Variants in SLCO3A1 observed in about 807,000 individuals in gnomAD.
The protein encoded by SLCO3A1 is solute carrier organic anion transporter family member 3A1.
A neutral mutation model predicts 63.1 loss-of-function variants in SLCO3A1; 27 were observed. The ratio of observed to expected loss-of-function variants is 0.43; its 90% CI spans 0.32 to 0.59. The LOEUF (loss-of-function observed/expected upper bound fraction) is 0.59, where lower values mean the gene tolerates loss of function less well. Ranked by LOEUF, SLCO3A1 falls within the 20% of genes least tolerant of loss-of-function variation. The pLI, the probability that SLCO3A1 is intolerant of heterozygous loss-of-function variation, is 0.09. For synonymous variants in SLCO3A1, 473 were observed against 409.9 expected, an observed-to-expected ratio of 1.15 and a Z score of -1.86; for missense variants, 773 against 945.8, an observed-to-expected ratio of 0.82 and a Z score of 2.40.
chr15:92,015,426 A>G (rs114426002), intron 2 of SLCO3A1, among the ~76,000 whole-genome samples: 48 of 152,168 alleles, frequency 3.2e-4, no homozygotes, highest in Admixed American at 5.9e-4. Context: ...CCCAGGGGGA[A>G]CTGCCACTTC....
chr15:92,056,487 C>T (rs2047023240), intron 2 of SLCO3A1, among the ~76,000 whole-genome samples: 1 of 152,188 alleles, frequency 6.6e-6, no homozygotes. Flanking sequence ...TAGGACGCTC[C>T]TTCCATCATT....
chr15:91,896,361 G>A (rs1898004014), intron 1 of SLCO3A1, among the ~76,000 whole-genome samples: 1 of 152,178 alleles, frequency 6.6e-6, no homozygotes, highest in Non-Finnish European at 1.5e-5. Context: ...GATCCATGGT[G>A]CAGTCACGAT....
chr15:92,071,061 G>T (rs768132589), intron 2 of SLCO3A1, among the ~76,000 whole-genome samples: 165 of 152,146 alleles, frequency 1.1e-3, no homozygotes, highest in Non-Finnish European at 1.7e-3. Flanking sequence ...GATTAAAGGG[G>T]CATAGCTCTT....
At chr15:92,064,887 A>G (rs955972436) in intron 2 of SLCO3A1, among the ~76,000 whole-genome samples, 1 of 152,212 alleles carries the variant, frequency 6.6e-6, no homozygotes, top group Admixed American at 6.5e-5. Context: ...GGGGAAATGA[A>G]GACAGATTGG....
chr15:91,887,420 A>G (rs1897753398), intron 1 of SLCO3A1, among the ~76,000 whole-genome samples: 1 of 152,088 alleles, frequency 6.6e-6, no homozygotes, highest in Non-Finnish European at 1.5e-5. Flanking sequence ...TGCATGAGAC[A>G]TTGCGGCCGC....
At chr15:91,977,994 G>T (rs1165516889) in intron 2 of SLCO3A1, among the ~76,000 whole-genome samples, 2 of 152,172 alleles carry the variant, frequency 1.3e-5, no homozygotes, top group East Asian at 3.8e-4. Context: ...AGTAAACACA[G>T]AGTATTGACT....
In SLCO3A1 at chr15:92,164,387, G is replaced by T. The variant is rs1431924203; in HGVS notation, c.*1252G>T. ...AAGAATCACATTTGAGACAACAGGG[G>T]ATAATGTGATGAATTGCAAATTTGC... On this transcript the variant is annotated 3_prime_UTR_variant, in exon 10 of 10. Transcript: ENST00000318445. The T allele has an allele frequency of 5.1e-6, 5 of 985,396 alleles. No homozygotes were observed. Among genetic ancestry groups the T allele is most frequent in the South Asian group, 4.7e-5 (1 of 21,284 alleles). The allele number at this position is 985,396 out of a possible 1,614,324, so 61.0% of individuals were successfully genotyped here. A position where few individuals can be genotyped will look rare whatever the true frequency, so the allele number is the denominator to read the frequency against.
At position 92,162,890 on chromosome 15, in the gene SLCO3A1, G is replaced by A. The variant is rs1350767162; in HGVS notation, c.1888G>A (p.Ala630Thr). ...VVYRYLYVSI[A>T]IALKSFAFIL... is the part of the protein sequence containing the mutation. ...CTACCGATACCTGTATGTCAGCATC[G>A]CCATCGCGCTCAAATCCTTCGCCTT... Residue 630 changes from alanine (A) to threonine (T), a missense_variant, in exon 10 of 10, where the codon GCC (alanine) becomes ACC (threonine). Physicochemically the swap from Ala to Thr is moderately conservative, Grantham distance 58 (BLOSUM62 0). This residue lies in a region of SLCO3A1 where 139 missense variants were observed against 131.4 expected (regional missense o/e 1.06). Coordinates refer to ENST00000318445, the MANE Select transcript of SLCO3A1 (RefSeq NM_013272.4). 3.1e-6 allele frequency: 5 copies of A among 1,614,022 alleles called. No homozygotes were observed. The highest frequency in any genetic ancestry group is 2.2e-5 in the East Asian group (1 of 44,892).
intron 7 of SLCO3A1, among the ~76,000 whole-genome samples, chr15:92,134,002 C>T (rs890629571): frequency 4.6e-5 from 7 of 152,122 alleles, no homozygotes; most frequent in Admixed American, 6.5e-5. Flanking sequence ...GTGGCCTGAG[C>T]CAAAGTTTAA....
chr15:92,168,033 G>A (rs1462371927), downstream of SLCO3A1, among the ~76,000 whole-genome samples: 3 of 152,210 alleles, frequency 2.0e-5, no homozygotes, highest in African/African-American at 4.8e-5. Flanking sequence ...TATATGCCAA[G>A]CCCTAGATCA....
At chr15:92,155,502 G>C (rs979284810) in intron 9 of SLCO3A1, among the ~76,000 whole-genome samples, 6 of 152,274 alleles carry the variant, frequency 3.9e-5, no homozygotes, top group Admixed American at 6.5e-5. Flanking sequence ...ATTATACTTG[G>C]CTGAGTAGTT....
rs1898120593 is a variant in SLCO3A1 at position 91,900,338 on chromosome 15, T to A, written c.181-15655T>A. ...TGTATTGTCTGTTCGTTTGTTTGTT[T>A]TTGTTTTTTGAGATGGAGTCTTGCT... On this transcript the variant is annotated intron_variant, in intron 1 of 9. Coordinates refer to ENST00000318445, the MANE Select transcript of SLCO3A1 (RefSeq NM_013272.4). The surrounding 1 kb of genome is among the most constrained non-coding windows in gnomAD (Gnocchi z 4.3). 6.6e-6 allele frequency among the ~76,000 whole-genome samples: 1 copy of A among 152,216 alleles called. No homozygotes were observed. The highest frequency in any genetic ancestry group is 1.5e-5 in the Non-Finnish European group (1 of 68,032).
Position 91,860,787 on chromosome 15 carries a change from C to T in SLCO3A1, c.180+6699C>T, listed in dbSNP as rs1239837410. Among the ~76,000 whole-genome samples the T allele has an allele frequency of 6.6e-6, 1 of 152,262 alleles. No individual in the cohort carries two copies. The highest frequency in any genetic ancestry group is 2.4e-5 in the African/African-American group (1 of 41,476). On this transcript the variant is annotated intron_variant, in intron 1 of 9. Transcript: ENST00000318445. This position sits in a 1 kb window ranked among gnomAD's most constrained non-coding sequence, Gnocchi z 5.5. Reference sequence around the variant, plus strand: ...GGGCTCAGGTCTCACGTCTTGTCTGCTGCCTTCACCTCGTGTTCTCTTGCA... The same window carrying T: ...GGGCTCAGGTCTCACGTCTTGTCTGTTGCCTTCACCTCGTGTTCTCTTGCA...
At chr15:92,008,199 T>A (rs531958981) in intron 2 of SLCO3A1, among the ~76,000 whole-genome samples, 136 of 152,344 alleles carry the variant, frequency 8.9e-4, no homozygotes, top group African/African-American at 3.2e-3. Context: ...CAGATTGCTA[T>A]ATTTCTTGAA....
intron 9 of SLCO3A1, chr15:92,151,239 C>A (rs2048301725): frequency 4.4e-6 from 2 of 457,868 alleles, no homozygotes; most frequent in Admixed American, 8.0e-5. Flanking sequence ...ATCTTCACGC[C>A]ACCGTGAATT....
At position 91,941,541 on chromosome 15, in the gene SLCO3A1, T is replaced by G. The variant is rs1392060315; in HGVS notation, c.646+25083T>G. On this transcript the variant is annotated intron_variant, in intron 2 of 9. Coordinates refer to ENST00000318445, the MANE Select transcript of SLCO3A1 (RefSeq NM_013272.4). The surrounding 1 kb of genome is among the most constrained non-coding windows in gnomAD (Gnocchi z 4.4). ...CCTAGCTTTTCTGAGCCTCACTTTC[T>G]TGGCAATTAGATGAACCAGAGGTTT... is the stretch of plus-strand genomic sequence containing the variant. The G allele has an allele frequency of 2.2e-6, 1 of 456,024 alleles. No individual in the cohort carries two copies. Among genetic ancestry groups the G allele is most frequent in the Admixed American group, 2.3e-5 (1 of 42,572 alleles). 28.2% of individuals were successfully genotyped at this position (456,024 alleles called of 1,614,324 possible). A position where few individuals can be genotyped will look rare whatever the true frequency, so the allele number is the denominator to read the frequency against.
rs886223750 is a variant in SLCO3A1, at chr15:92,165,590, A to G, written c.*2455A>G. 5.1e-6 allele frequency: 5 copies of G among 985,098 alleles called. No homozygotes were observed. Among genetic ancestry groups the G allele is most frequent in the Admixed American group, 6.1e-5 (1 of 16,268 alleles). The allele number at this position is 985,098 out of a possible 1,614,324, so 61.0% of individuals were successfully genotyped here. ...GGATGAATGTGAAAAAGATGTTAGAATAACAGGAAGACAACTCCAGGGCTG... is the reference window on the plus strand; with the variant it reads ...GGATGAATGTGAAAAAGATGTTAGAGTAACAGGAAGACAACTCCAGGGCTG... On this transcript the variant is annotated 3_prime_UTR_variant, in exon 10 of 10. Coordinates refer to ENST00000318445, the MANE Select transcript of SLCO3A1 (RefSeq NM_013272.4).
At chr15:92,166,497 G>A (rs1191560942), downstream of SLCO3A1, among the ~76,000 whole-genome samples, 3 of 152,178 alleles carry the variant, frequency 2.0e-5, no homozygotes, top group Non-Finnish European at 4.4e-5. Flanking sequence ...AGTGTCATCT[G>A]TACATTCCAG....
At chr15:91,982,017 C>T (rs2045994197) in intron 2 of SLCO3A1, among the ~76,000 whole-genome samples, 1 of 152,274 alleles carries the variant, frequency 6.6e-6, no homozygotes, top group Non-Finnish European at 1.5e-5. Context: ...CACATCATTG[C>T]AGGAGAGGGG....
Sources: gnomAD v4.1 joint callset for allele counts (sites outside exome capture counted in the v4.1 genomes callset) on GRCh38, gnomAD v4.1.1 for gene constraint, gnomAD v4.1.1 regional missense constraint, Gnocchi (gnomAD v3.1) non-coding constraint, MANE v1.5 for transcripts, NCBI Gene and HGNC (gene_info 2026-07-23, HGNC 2026-07-21) for gene names.